MSRA: variants seen among roughly 807,000 people sequenced by gnomAD.
MSRA encodes mitochondrial peptide methionine sulfoxide reductase.
Under a neutral mutation model 31.3 loss-of-function variants are expected in MSRA, and 54 were observed. The ratio of observed to expected loss-of-function variants is 1.73; its 90% CI spans 1.39 to 2.17. The LOEUF is 2.17. Among genes scored for constraint, MSRA ranks in the 30% most tolerant of loss-of-function variants. The pLI is 0.00. For synonymous variants in MSRA, 169 were observed against 116.5 expected, an observed-to-expected ratio of 1.45 and a Z score of -2.90; for missense variants, 507 against 300.9, an observed-to-expected ratio of 1.69 and a Z score of -5.07.
chr8:10,313,220 T>G (rs1801531699), intron 4 of MSRA, among the ~76,000 whole-genome samples: 1 of 152,232 alleles, frequency 6.6e-6, no homozygotes, highest in South Asian at 2.1e-4. Flanking sequence ...CTTCTCTCTC[T>G]ATATTCAGTC....
At chr8:10,399,181 G>A (rs1459180328) in intron 5 of MSRA, among the ~76,000 whole-genome samples, 2 of 152,214 alleles carry the variant, frequency 1.3e-5, no homozygotes, top group Admixed American at 6.5e-5. Context: ...TGCCAGGTAC[G>A]TGTTGGGTGC....
intron 1 of MSRA, among the ~76,000 whole-genome samples, chr8:10,094,060 C>A (rs761497492): frequency 6.6e-6 from 1 of 152,156 alleles, no homozygotes; most frequent in Non-Finnish European, 1.5e-5. Context: ...TGGCTATTAA[C>A]AGGTTATTGG....
chr8:10,164,589 A>G (rs1443996758), intron 1 of MSRA, among the ~76,000 whole-genome samples: 2 of 152,236 alleles, frequency 1.3e-5, no homozygotes, highest in Non-Finnish European at 1.5e-5. Flanking sequence ...GGGATTACAT[A>G]CTTGTACCCA....
chr8:10,142,951 C>T (rs1048380745), intron 1 of MSRA, among the ~76,000 whole-genome samples: 1 of 152,056 alleles, frequency 6.6e-6, no homozygotes, highest in Admixed American at 6.6e-5. Flanking sequence ...AAGAAAGCAC[C>T]TTCCTTTTCC....
intron 5 of MSRA, among the ~76,000 whole-genome samples, chr8:10,342,037 C>T (rs78276736): frequency 6.6e-6 from 1 of 152,290 alleles, no homozygotes; most frequent in African/African-American, 2.4e-5. Flanking sequence ...CATCTAGGAG[C>T]GTCTTTCCAC....
chr8:10,093,989 G>A (rs1003555560), intron 1 of MSRA, among the ~76,000 whole-genome samples: 1 of 152,150 alleles, frequency 6.6e-6, no homozygotes, highest in Admixed American at 6.5e-5. Flanking sequence ...ATCTTACTGA[G>A]GATTCCTTGC....
At chr8:10,410,916 A>G (rs1023555624) in intron 5 of MSRA, among the ~76,000 whole-genome samples, 16 of 152,112 alleles carry the variant, frequency 1.1e-4, no homozygotes, top group Admixed American at 3.3e-4. Context: ...AAAAAGGAAA[A>G]TTATGCTTTG....
chr8:10,359,967 T>C (rs1317288722), intron 5 of MSRA, among the ~76,000 whole-genome samples: 1 of 152,218 alleles, frequency 6.6e-6, no homozygotes, highest in Non-Finnish European at 1.5e-5. Flanking sequence ...CCTCCACTTT[T>C]ACCTGGCCAA....
intron 1 of MSRA, among the ~76,000 whole-genome samples, chr8:10,162,313 C>G (rs1804735405): frequency 6.6e-6 from 1 of 152,128 alleles, no homozygotes; most frequent in Middle Eastern, 3.2e-3. Context: ...AAAAGGGACT[C>G]CAGAGATGTC....
rs562691015 is a variant in MSRA, at chr8:10,428,710, G to C, written c.*398G>C. The stretch of plus-strand genomic sequence containing the variant: ...CAATTTGCAAACGTGTATAGCCTCA[G>C]TGACTCATTCGCTGAAATCCTTCGC... On this transcript the variant is annotated 3_prime_UTR_variant, in exon 6 of 6. Transcript: ENST00000317173. 2.4e-5 allele frequency: 5 copies of C among 209,016 alleles called. No individual in the cohort carries two copies. In the East Asian group the frequency reaches 5.1e-4, roughly 21 times the overall value. The allele number at this position is 209,016 out of a possible 1,614,324, so 12.9% of individuals were successfully genotyped here.
chr8:10,225,037 C>T (rs1203174676), intron 2 of MSRA, among the ~76,000 whole-genome samples: 1 of 152,176 alleles, frequency 6.6e-6, no homozygotes, highest in East Asian at 1.9e-4. Context: ...ACTCCAGAGG[C>T]TGAGGGAGTA....
At chr8:10,211,834 G>A (rs1809526741) in intron 2 of MSRA, among the ~76,000 whole-genome samples, 3 of 152,092 alleles carry the variant, frequency 2.0e-5, no homozygotes, top group African/African-American at 4.8e-5. Flanking sequence ...TGGAGGGCCG[G>A]GTTCCAGCCT....
chr8:10,399,421 A>G (rs1299804967), intron 5 of MSRA, among the ~76,000 whole-genome samples: 9 of 152,190 alleles, frequency 5.9e-5, no homozygotes. Context: ...GCTTAGCGCC[A>G]TCTCCTTGGT....
At chr8:10,092,353 T>G (rs1014823506) in intron 1 of MSRA, among the ~76,000 whole-genome samples, 1 of 152,182 alleles carries the variant, frequency 6.6e-6, no homozygotes, top group African/African-American at 2.4e-5. Flanking sequence ...GGATGTTCCA[T>G]ATATCCTTAA....
Position 10,148,419 on chromosome 8 carries a change from G to A in MSRA, c.143-59414G>A, listed in dbSNP as rs953701984. On this transcript the variant is annotated intron_variant, in intron 1 of 5. Transcript: ENST00000317173. Reference sequence around the variant, plus strand: ...TCCCAGCACTTTGGAGGCTGAGGCAGGCAGATCACTTGAGGTCAAGAGTTC... The same window carrying A: ...TCCCAGCACTTTGGAGGCTGAGGCAAGCAGATCACTTGAGGTCAAGAGTTC... Among the ~76,000 whole-genome samples, 3 of 151,826 alleles carry A rather than the reference G, an allele frequency of 2.0e-5. No homozygotes were observed. In the East Asian group the frequency reaches 5.8e-4, roughly 29 times the overall value.
intron 5 of MSRA, among the ~76,000 whole-genome samples, chr8:10,403,724 A>G (rs1299722251): frequency 6.6e-6 from 1 of 152,216 alleles, no homozygotes; most frequent in Non-Finnish European, 1.5e-5. Flanking sequence ...GGTGTGAGAC[A>G]CACATGGGAA....
At chr8:10,137,341 C>T (rs1802357786) in intron 1 of MSRA, among the ~76,000 whole-genome samples, 1 of 152,182 alleles carries the variant, frequency 6.6e-6, no homozygotes, top group South Asian at 2.1e-4. Context: ...TGGTGCCTGC[C>T]ATTTTTCACG....
At chr8:10,233,130 G>A (rs188558940) in intron 2 of MSRA, among the ~76,000 whole-genome samples, 11 of 152,278 alleles carry the variant, frequency 7.2e-5, no homozygotes, top group East Asian at 1.9e-4. Flanking sequence ...GATATATCCC[G>A]GAAGAGGTAC....
At chr8:10,054,942 C>G (rs139186379) in intron 1 of MSRA, among the ~76,000 whole-genome samples, 14 of 152,202 alleles carry the variant, frequency 9.2e-5, no homozygotes, top group Admixed American at 9.2e-4. Context: ...TGCATACCGT[C>G]GCGGCCCCAA....
Sources: gnomAD v4.1 joint callset for allele counts (sites outside exome capture counted in the v4.1 genomes callset) on GRCh38, gnomAD v4.1.1 for gene constraint, MANE v1.5 for transcripts, NCBI Gene and HGNC (gene_info 2026-07-23, HGNC 2026-07-21) for gene names.